Variants in OSBPL10 observed in about 807,000 individuals in gnomAD.
OSBPL10 encodes the protein oxysterol binding protein like 10, also known as oxysterol-binding protein-related protein 10.
OSBPL10 carries 49 observed loss-of-function variants against 81.7 expected under a neutral mutation model. That is an observed-to-expected ratio of 0.60 (90% CI 0.48 to 0.76). The LOEUF (loss-of-function observed/expected upper bound fraction) is 0.76, where lower values mean the gene tolerates loss of function less well. Ranked by LOEUF, OSBPL10 falls within the 30% of genes least tolerant of loss-of-function variation. The pLI is 0.00. For missense variants in OSBPL10, 923 were observed against 987.8 expected (o/e 0.93, Z 0.88); for synonymous variants, 419 against 383.6 (o/e 1.09, Z -1.08).
intron 1 of OSBPL10, among the ~76,000 whole-genome samples, chr3:31,920,237 T>C (rs768862145): frequency 1.3e-5 from 2 of 152,178 alleles, no homozygotes; most frequent in South Asian, 4.1e-4. Context: ...TTGGTGGATA[T>C]GTGACATGCA....
At chr3:31,987,070 GTATA>G (rs1698944200) in intron 2 of OSBPL10, among the ~76,000 whole-genome samples, 1 of 151,586 alleles carries the variant, frequency 6.6e-6, no homozygotes, top group African/African-American at 2.4e-5. Flanking sequence ...ATATATATGT[GTATA>G]TATACTTTTA....
chr3:31,976,275 A>AGTC (rs2125499107), intron 1 of OSBPL10, among the ~76,000 whole-genome samples: 2 of 152,342 alleles, frequency 1.3e-5, no homozygotes, highest in East Asian at 3.9e-4. Context: ...TCCCTTATAC[A>AGTC]CCAATAATCT....
upstream of OSBPL10, among the ~76,000 whole-genome samples, chr3:31,984,749 A>C (rs1016495758): frequency 6.6e-6 from 1 of 152,190 alleles, no homozygotes; most frequent in Non-Finnish European, 1.5e-5. Flanking sequence ...TCAAACAAGG[A>C]GGGAATAGTT....
chr3:32,025,456 G>A (rs957246066), intron 2 of OSBPL10, among the ~76,000 whole-genome samples: 4 of 152,110 alleles, frequency 2.6e-5, no homozygotes, highest in African/African-American at 7.2e-5. Flanking sequence ...AGGAATATTG[G>A]TCTGTAGTTT....
chr3:31,823,513 A>G (rs1185516822), intron 4 of OSBPL10, among the ~76,000 whole-genome samples: 2 of 152,228 alleles, frequency 1.3e-5, no homozygotes, highest in East Asian at 1.9e-4. Flanking sequence ...AGACACATAC[A>G]TAACTTTACG....
intron 2 of OSBPL10, among the ~76,000 whole-genome samples, chr3:32,011,132 C>T (rs879944694): frequency 9.2e-5 from 14 of 152,342 alleles, no homozygotes; most frequent in Admixed American, 9.2e-4. Context: ...TGAGAACAGG[C>T]AGACTGCCTC....
rs143028048 is a variant in OSBPL10 at position 31,819,550 on chromosome 3, T to C, written c.729+10490A>G. Among the ~76,000 whole-genome samples the C allele has an allele frequency of 3.7e-3, 568 of 152,230 alleles. 2 individuals are homozygous for C. Among genetic ancestry groups the C allele is most frequent in the African/African-American group, 0.013 (532 of 41,546 alleles). ...GGTACTGCACAGGCCAGGGGCCACG[T>C]AGGAGTGAGGCATACAGAGATCAAG... On this transcript the variant is annotated intron_variant, in intron 4 of 11. Transcript: ENST00000396556.
chr3:31,897,071 T>C (rs1177424097), intron 1 of OSBPL10, among the ~76,000 whole-genome samples: 1 of 151,918 alleles, frequency 6.6e-6, no homozygotes, highest in Non-Finnish European at 1.5e-5. Flanking sequence ...ACATCTACAC[T>C]ATAAAAGGAA....
chr3:31,849,050 G>A (rs1329314545), intron 3 of OSBPL10, among the ~76,000 whole-genome samples: 1 of 152,218 alleles, frequency 6.6e-6, no homozygotes, highest in Non-Finnish European at 1.5e-5. Flanking sequence ...GTGACACTGT[G>A]TCAGTTCCAA....
At chr3:31,742,046 C>T (rs1160160127) in intron 5 of OSBPL10, among the ~76,000 whole-genome samples, 1 of 152,216 alleles carries the variant, frequency 6.6e-6, no homozygotes, top group Non-Finnish European at 1.5e-5. Context: ...CGAACTAATA[C>T]ACCTATTTAC....
intron 1 of OSBPL10, among the ~76,000 whole-genome samples, chr3:31,908,211 A>C (rs1223720214): frequency 6.6e-6 from 1 of 152,152 alleles, no homozygotes; most frequent in Admixed American, 6.5e-5. Context: ...GCCAGATCAC[A>C]CAGAACCTTG....
At chr3:31,696,552 T>C (rs1200508857) in intron 7 of OSBPL10, among the ~76,000 whole-genome samples, 1 of 152,246 alleles carries the variant, frequency 6.6e-6, no homozygotes, top group Non-Finnish European at 1.5e-5. Flanking sequence ...TTCAACACAG[T>C]TGATCAATTC....
chr3:31,692,403 T>C (rs377120187), intron 7 of OSBPL10, among the ~76,000 whole-genome samples: 1 of 152,070 alleles, frequency 6.6e-6, no homozygotes, highest in African/African-American at 2.4e-5. Flanking sequence ...ACCCCTATAA[T>C]CAGGAATCAG....
At position 31,874,956 on chromosome 3, in the gene OSBPL10, T is replaced by C. The variant is rs536622021; in HGVS notation, c.537+1477A>G. Among the ~76,000 whole-genome samples, 8 of 152,044 alleles carry C rather than the reference T, an allele frequency of 5.3e-5. No homozygotes were observed. In the East Asian group the frequency reaches 1.4e-3, roughly 26 times the overall value. On this transcript the variant is annotated intron_variant, in intron 3 of 11. Coordinates refer to ENST00000396556, the MANE Select transcript of OSBPL10 (RefSeq NM_017784.5). Reference sequence around the variant, plus strand: ...ACAACAATAAGGAAACAACTCTAAATTTCCATTAGTAGAAGACTTAAATAA... The same window carrying C: ...ACAACAATAAGGAAACAACTCTAAACTTCCATTAGTAGAAGACTTAAATAA...
At chr3:31,738,606 G>A (rs1287651643) in intron 5 of OSBPL10, among the ~76,000 whole-genome samples, 2 of 152,150 alleles carry the variant, frequency 1.3e-5, no homozygotes, top group African/African-American at 2.4e-5. Context: ...CATGCTATCT[G>A]TGCATTGCCT....
At chr3:31,678,100 A>G (rs917405834) in intron 8 of OSBPL10, among the ~76,000 whole-genome samples, 2 of 148,296 alleles carry the variant, frequency 1.3e-5, no homozygotes, top group African/African-American at 5.1e-5. Context: ...AAAAAAAAAA[A>G]AAAAAAAAGA....
At position 32,037,722 on chromosome 3, in the gene OSBPL10, C is replaced by T. The variant is rs185412941; in HGVS notation, n.298+8769G>A. The T allele has an allele frequency of 3.2e-4, 51 of 160,068 alleles. 1 individual carries two copies. The highest frequency in any genetic ancestry group is 2.0e-3 in the East Asian group (11 of 5,548). 9.9% of individuals were successfully genotyped at this position (160,068 alleles called of 1,614,324 possible). Reference sequence around the variant, plus strand: ...ACCAGAAATTGCTCTGGGGAGAGTGCAGATCAACCTCCACCCAGTTGTCTC... The same window carrying T: ...ACCAGAAATTGCTCTGGGGAGAGTGTAGATCAACCTCCACCCAGTTGTCTC... On this transcript the variant is annotated intron_variant and non_coding_transcript_variant, in intron 2 of 3. Coordinates refer to the OSBPL10 transcript ENST00000479173.
At chr3:31,982,123 CA>C, upstream of OSBPL10, among the ~76,000 whole-genome samples, 1 of 152,170 alleles carries the variant, frequency 6.6e-6, no homozygotes, top group African/African-American at 2.4e-5. Flanking sequence ...ACTGCACGTG[CA>C]CCTAGGAGCA....
intron 1 of OSBPL10, among the ~76,000 whole-genome samples, chr3:31,970,062 A>G: frequency 6.6e-6 from 1 of 152,166 alleles, no homozygotes; most frequent in East Asian, 1.9e-4. Context: ...TTCCAGAGAA[A>G]AAGAAAACAC....
Sources: allele counts gnomAD v4.1 joint callset (sites outside exome capture counted in the v4.1 genomes callset), GRCh38; gene constraint gnomAD v4.1.1; transcripts MANE v1.5; gene names NCBI Gene and HGNC (gene_info 2026-07-23, HGNC 2026-07-21).